PDE12: variants seen among roughly 807,000 people sequenced by gnomAD.
The protein encoded by PDE12 is 2',5'-phosphodiesterase 12.
A neutral mutation model predicts 45.4 loss-of-function variants in PDE12; 26 were observed. The observed-to-expected ratio is 0.57, with a 90% CI of 0.42 to 0.79. PDE12 has a LOEUF of 0.79. PDE12 is among the 30% of genes least tolerant of loss of function. The probability of loss-of-function intolerance (pLI) is 0.00; values close to 1 mark genes in which losing one functional copy is unlikely to be tolerated. For synonymous variants in PDE12, 283 were observed against 323.9 expected (o/e 0.87, Z 1.36); for missense variants, 668 against 790.0 (o/e 0.85, Z 1.85).
the PDE12 span, among the ~76,000 whole-genome samples, chr3:57,601,197 C>T: frequency 4.6e-5 from 7 of 152,048 alleles, no homozygotes; most frequent in Non-Finnish European, 1.0e-4. Context: ...GTAGCCTCTG[C>T]CTCCTGGGTT....
the PDE12 span, among the ~76,000 whole-genome samples, chr3:57,602,834 G>A: frequency 2.6e-5 from 4 of 152,064 alleles, no homozygotes; most frequent in Non-Finnish European, 4.4e-5. Context: ...GTCTCCCAGA[G>A]GGCTGAGATT....
At chr3:57,614,036 G>T in the PDE12 span, among the ~76,000 whole-genome samples, 1 of 151,324 alleles carries the variant, frequency 6.6e-6, no homozygotes, top group African/African-American at 2.4e-5. Context: ...AGATAAAGTA[G>T]ATTTTAGAAT....
the PDE12 span, among the ~76,000 whole-genome samples, chr3:57,603,694 C>T: frequency 6.6e-6 from 1 of 151,266 alleles, no homozygotes; most frequent in Non-Finnish European, 1.5e-5. Context: ...GCGATCTCAG[C>T]TCACCACCAC....
In PDE12 at chr3:57,560,239, A is replaced by G; in HGVS notation, c.*235A>G. ...AACAAATATATTTCTTACTAGCAAA[A>G]TAGAAAATTGAATTATTTTTCTCCA... On this transcript the variant is annotated 3_prime_UTR_variant, in exon 3 of 3. Coordinates refer to ENST00000311180, the MANE Select transcript of PDE12 (RefSeq NM_177966.7). The G allele has an allele frequency of 8.1e-7, 1 of 1,239,660 alleles. No individual in the cohort carries two copies. The highest frequency in any genetic ancestry group is 1.0e-6 in the Non-Finnish European group (1 of 990,886). 76.8% of individuals were successfully genotyped at this position (1,239,660 alleles called of 1,614,324 possible).
chr3:57,582,778 CAAG>C, the PDE12 span, among the ~76,000 whole-genome samples: 11 of 152,118 alleles, frequency 7.2e-5, no homozygotes, highest in African/African-American at 2.7e-4. Flanking sequence ...AAAAAACTGA[CAAG>C]AAATTCCTTG....
the PDE12 span, among the ~76,000 whole-genome samples, chr3:57,583,249 G>T: frequency 6.6e-6 from 1 of 152,142 alleles, no homozygotes; most frequent in Non-Finnish European, 1.5e-5. Flanking sequence ...TGATTGATAT[G>T]CATATTAAAG....
chr3:57,630,879 G>C, the PDE12 span: 4 of 1,610,616 alleles, frequency 2.5e-6, no homozygotes, highest in East Asian at 8.9e-5. Flanking sequence ...GTTCACAGAA[G>C]TTAATTACAG....
At chr3:57,597,090 C>A in the PDE12 span, 1 of 1,614,170 alleles carries the variant, frequency 6.2e-7, no homozygotes, top group Non-Finnish European at 8.5e-7. Context: ...AAATGCGCAT[C>A]TGCTTCTTGC....
the PDE12 span, among the ~76,000 whole-genome samples, chr3:57,579,202 C>T: frequency 2.6e-5 from 3 of 114,926 alleles, no homozygotes; most frequent in South Asian, 6.1e-4. Flanking sequence ...TGCAGTGAGC[C>T]GAGATGGCGC....
chr3:57,599,771 T>C, the PDE12 span, among the ~76,000 whole-genome samples: 1 of 152,044 alleles, frequency 6.6e-6, no homozygotes, highest in Non-Finnish European at 1.5e-5. Context: ...AGATTAAATA[T>C]TCTGCCCAAG....
At chr3:57,585,278 G>T in the PDE12 span, among the ~76,000 whole-genome samples, 3 of 152,150 alleles carry the variant, frequency 2.0e-5, no homozygotes, top group Non-Finnish European at 4.4e-5. Flanking sequence ...TAAAATTTGG[G>T]TAACAGATTT....
At chr3:57,600,216 G>C in the PDE12 span, 1 of 151,964 alleles carries the variant, frequency 6.6e-6, no homozygotes, top group Non-Finnish European at 1.5e-5. Context: ...GTAGAGACAG[G>C]GTTTTGCTAT....
At chr3:57,648,610 C>T in the PDE12 span, among the ~76,000 whole-genome samples, 4 of 152,122 alleles carry the variant, frequency 2.6e-5, no homozygotes, top group Non-Finnish European at 2.9e-5. Context: ...TATCTGCCTT[C>T]AAACTACACT....
rs2069656791 is a variant in PDE12, at chr3:57,556,319, C to G, written c.-61C>G. On this transcript the variant is annotated 5_prime_UTR_variant, in exon 1 of 3. Coordinates refer to ENST00000311180, the MANE Select transcript of PDE12 (RefSeq NM_177966.7). This position sits in a 1 kb window ranked among gnomAD's most constrained non-coding sequence, Gnocchi z 5.0. ...AGCCGGCGGCCTCGGCTCCTCAGCT[C>G]CACCTGACAGTAGGCCGCTGATCGG... The G allele has an allele frequency of 6.7e-7, 1 of 1,481,710 alleles. No individual in the cohort carries two copies. Among genetic ancestry groups the G allele is most frequent in the Non-Finnish European group, 9.0e-7 (1 of 1,112,684 alleles). 91.8% of individuals were successfully genotyped at this position (1,481,710 alleles called of 1,614,324 possible). A position where few individuals can be genotyped will look rare whatever the true frequency, so the allele number is the denominator to read the frequency against.
the PDE12 span, among the ~76,000 whole-genome samples, chr3:57,585,104 T>C: frequency 1.3e-5 from 2 of 152,272 alleles, no homozygotes; most frequent in African/African-American, 4.8e-5. Flanking sequence ...CCTCAAGTGA[T>C]CTGCCAGCCT....
At chr3:57,623,711 A>G in the PDE12 span, among the ~76,000 whole-genome samples, 24 of 152,216 alleles carry the variant, frequency 1.6e-4, no homozygotes, top group African/African-American at 5.1e-4. Flanking sequence ...AATAAGAAGT[A>G]TAACTCTGGA....
the PDE12 span, chr3:57,577,299 T>G: frequency 6.2e-7 from 1 of 1,601,924 alleles, no homozygotes; most frequent in Admixed American, 1.7e-5. Flanking sequence ...ATGATGAATT[T>G]AAAGTATATT....
the PDE12 span, chr3:57,654,838 C>T: frequency 1.1e-6 from 1 of 919,600 alleles, no homozygotes; most frequent in Non-Finnish European, 1.3e-6. Flanking sequence ...GTAAATCTAT[C>T]ACCTTCAATA....
Position 57,556,726 on chromosome 3 carries a change from C to T in PDE12, c.347C>T (p.Ala116Val). The change falls in exon 1 of 3, where the codon GCT becomes GTT. Residue 116 changes from alanine to valine, a missense_variant. Transcript: ENST00000311180. This position sits in a 1 kb window ranked among gnomAD's most constrained non-coding sequence, Gnocchi z 5.0. ...TGTTCAGGGCCGGGGCCTGAGCCGG[C>T]TGTGTTCTGCGAGCCCGTGGTGAAG... ...AACSGPGPEP[A>V]VFCEPVVKLY... 3.8e-6 allele frequency: 6 copies of T among 1,595,990 alleles called. No individual in the cohort carries two copies. Among genetic ancestry groups the T allele is most frequent in the South Asian group, 1.1e-5 (1 of 89,612 alleles).
Sources: allele counts gnomAD v4.1 joint callset (sites outside exome capture counted in the v4.1 genomes callset), GRCh38; gene constraint gnomAD v4.1.1; non-coding constraint Gnocchi (gnomAD v3.1); transcripts MANE v1.5; gene names NCBI Gene and HGNC (gene_info 2026-07-23, HGNC 2026-07-21).